The following SYNE2 variants were observed in gnomAD, a reference collection of about 807,000 sequenced individuals.
SYNE2 encodes the protein spectrin repeat containing nuclear envelope protein 2.
SYNE2 carries 431 observed loss-of-function variants against 856.3 expected under a neutral mutation model. The observed-to-expected ratio is 0.50, with a 90% confidence interval of 0.47 to 0.55. The LOEUF (loss-of-function observed/expected upper bound fraction) is 0.55, where lower values mean the gene tolerates loss of function less well. Ranked by LOEUF, SYNE2 falls within the 20% of genes least tolerant of loss-of-function variation. SYNE2 has a pLI of 0.00. For missense variants in SYNE2, 8,129 were observed against 8,023.2 expected, an observed-to-expected ratio of 1.01 and a Z score of -0.50; for synonymous variants, 2,923 against 2,872.3, an observed-to-expected ratio of 1.02 and a Z score of -0.56.
chr14:63,845,561 T>C (rs1890200513), intron 1 of SYNE2, among the ~76,000 whole-genome samples: 1 of 152,166 alleles, frequency 6.6e-6, no homozygotes, highest in Admixed American at 6.5e-5. Flanking sequence ...TTAAATTGTT[T>C]CCTCAAATAA....
Position 63,819,452 on chromosome 14 carries a change from G to A in SYNE2, c.-304-33049G>A, listed in dbSNP as rs569057956. ...TCACCATGTTGGCTGGGCTGGTCTCGAACTCCTGACCTCAGGTGATCTACC... is the reference window on the plus strand; with the variant it reads ...TCACCATGTTGGCTGGGCTGGTCTCAAACTCCTGACCTCAGGTGATCTACC... On this transcript the variant is annotated intron_variant, in intron 1 of 23. Transcript: ENST00000674003. Among the ~76,000 whole-genome samples, 7 of 151,810 alleles carry A rather than the reference G, an allele frequency of 4.6e-5. No homozygotes were observed. In the East Asian group the frequency reaches 5.8e-4, roughly 13 times the overall value.
chr14:64,064,229 C>T (rs1315202089), intron 50 of SYNE2, among the ~76,000 whole-genome samples: 1 of 152,120 alleles, frequency 6.6e-6, no homozygotes, highest in Non-Finnish European at 1.5e-5. Context: ...GCATTTGATA[C>T]CACAACAGTT....
At chr14:64,212,767 A>C in intron 104 of SYNE2, 44 bp from the exon 105 acceptor site, 1 of 1,586,466 alleles carries the variant, frequency 6.3e-7, no homozygotes, top group Non-Finnish European at 8.7e-7. Context: ...GTGGAAGCTC[A>C]GGGTAACTTT....
At chr14:64,024,728 C>T (rs963537472) in intron 39 of SYNE2, among the ~76,000 whole-genome samples, 184 bp from the exon 40 acceptor site, 2 of 152,120 alleles carry the variant, frequency 1.3e-5, no homozygotes, top group Non-Finnish European at 2.9e-5. Flanking sequence ...TTCTTTAATA[C>T]TATAGAACCC....
intron 18 of SYNE2, 26 bp from the exon 19 acceptor site, chr14:63,986,430 C>G: frequency 6.2e-7 from 1 of 1,613,270 alleles, no homozygotes; most frequent in Middle Eastern, 1.7e-4. Context: ...CTGACATTTT[C>G]TCAGTGGTAC....
intron 54 of SYNE2, 83 bp from the exon 55 acceptor site, chr14:64,078,383 T>C (rs1284427873): frequency 6.3e-7 from 1 of 1,585,968 alleles, no homozygotes; most frequent in Non-Finnish European, 8.6e-7. Context: ...TAAAACAGAG[T>C]GACTACCACT....
At position 64,215,422 on chromosome 14, in the gene SYNE2, G is replaced by A. The variant is rs141630917; in HGVS notation, c.19402+68G>A. The A allele has an allele frequency of 8.4e-4, 1,259 of 1,496,714 alleles. 1 individual carries two copies. Among genetic ancestry groups the A allele is most frequent in the Non-Finnish European group, 1.0e-3 (1,093 of 1,074,920 alleles). 92.7% of individuals were successfully genotyped at this position (1,496,714 alleles called of 1,614,324 possible). ...TGGCGCACACTGCATCCTCAACCTC[G>A]CTCCCATGTCGTGTCTACCTCTGCC... On this transcript the variant is annotated intron_variant, in intron 107 of 115. Transcript: ENST00000555002.
chr14:63,844,681 C>G (rs1848601443), intron 1 of SYNE2, among the ~76,000 whole-genome samples: 1 of 151,960 alleles, frequency 6.6e-6, no homozygotes, highest in Non-Finnish European at 1.5e-5. Context: ...ATTGTGGAAT[C>G]AATATTATAT....
In SYNE2 at chr14:64,224,181, C is replaced by CAAAAAAA. The variant is rs35804232; in HGVS notation, c.20383-265_20383-259dup. ...GCAACATGGTGAAATCCCGTCTCTGCAAAAAAAAAAAAAAAAAAAAATACA... is the reference window on the plus strand; with the variant it reads ...GCAACATGGTGAAATCCCGTCTCTGCAAAAAAAAAAAAAAAAAAAAAAAAAAAATACA... On this transcript the variant is annotated intron_variant, in intron 113 of 115. Transcript: ENST00000555002. Among the ~76,000 whole-genome samples the CAAAAAAA allele has an allele frequency of 2.2e-3, 168 of 74,742 alleles. 13 individuals are homozygous for CAAAAAAA. The highest frequency in any genetic ancestry group is 7.8e-3 in the African/African-American group (141 of 18,190). The allele number at this position is 74,742 out of a possible 152,430, so 49.0% of individuals were successfully genotyped here. A position where few individuals can be genotyped will look rare whatever the true frequency, so the allele number is the denominator to read the frequency against.
chr14:64,089,964 G>T (rs77499129), intron 59 of SYNE2, among the ~76,000 whole-genome samples: 2 of 152,198 alleles, frequency 1.3e-5, no homozygotes, highest in Non-Finnish European at 2.9e-5. Context: ...CTGGGTTCCA[G>T]CCCCAGCTAG....
At chr14:63,882,655 A>G (rs1206638653) in intron 1 of SYNE2, among the ~76,000 whole-genome samples, 1 of 152,114 alleles carries the variant, frequency 6.6e-6, no homozygotes, top group East Asian at 1.9e-4. Context: ...CGTCTGGGAT[A>G]TGATGGTGCC....
chr14:64,134,796 G>GT (rs2098067954), intron 78 of SYNE2, among the ~76,000 whole-genome samples: 2 of 150,162 alleles, frequency 1.3e-5, no homozygotes, highest in Admixed American at 1.3e-4. Flanking sequence ...GGGCAAAATG[G>GT]TGAAACCCTG....
At chr14:64,055,213 C>G (rs1244424708) in intron 48 of SYNE2, among the ~76,000 whole-genome samples, 1 of 152,062 alleles carries the variant, frequency 6.6e-6, no homozygotes, top group Non-Finnish European at 1.5e-5. Flanking sequence ...TTCACAAATA[C>G]TGATTAAGGT....
chr14:64,152,485 A>T (rs2098252028), intron 84 of SYNE2, 79 bp from the exon 85 acceptor site: 1 of 1,422,252 alleles, frequency 7.0e-7, no homozygotes, highest in South Asian at 1.2e-5. Context: ...ACTTGAAAAG[A>T]GTGAACTCCT....
At chr14:63,952,468 A>G (rs781597909) in intron 7 of SYNE2, among the ~76,000 whole-genome samples, 11 of 152,236 alleles carry the variant, frequency 7.2e-5, no homozygotes, top group Non-Finnish European at 1.5e-4. Flanking sequence ...GGTAAAAGCC[A>G]CAATTACTTT....
At chr14:64,131,281 A>G (rs1436523039) in intron 76 of SYNE2, among the ~76,000 whole-genome samples, 1 of 152,218 alleles carries the variant, frequency 6.6e-6, no homozygotes. Context: ...AGGGATTCAC[A>G]TAATATGGAG....
At chr14:64,056,373 T>G in intron 49 of SYNE2, 107 bp downstream of exon 49, 1 of 1,056,290 alleles carries the variant, frequency 9.5e-7, no homozygotes, top group South Asian at 1.7e-5. Context: ...GGTTTTTTTC[T>G]CTGTCATTAA....
At chr14:63,827,493 C>T (rs868332846) in intron 1 of SYNE2, among the ~76,000 whole-genome samples, 3 of 151,028 alleles carry the variant, frequency 2.0e-5, no homozygotes, top group South Asian at 2.1e-4. Flanking sequence ...GGTGTGGTGG[C>T]GCATGCCTGT....
chr14:64,095,377 T>A (rs1209570612), intron 61 of SYNE2, among the ~76,000 whole-genome samples: 2 of 152,334 alleles, frequency 1.3e-5, no homozygotes, highest in Middle Eastern at 3.4e-3. Flanking sequence ...ACATTAAAAT[T>A]TACTGGCCTA....
Sources: allele counts gnomAD v4.1 joint callset (sites outside exome capture counted in the v4.1 genomes callset), GRCh38; gene constraint gnomAD v4.1.1; transcripts MANE v1.5; gene names NCBI Gene and HGNC (gene_info 2026-07-23, HGNC 2026-07-21).